The following KCTD21 variants were observed in gnomAD, a reference collection of about 807,000 sequenced individuals.
The protein encoded by KCTD21 is potassium channel tetramerization domain containing 21, also known as BTB/POZ domain-containing protein KCTD21.
KCTD21 carries 9 observed loss-of-function variants against 13.2 expected under a neutral mutation model. That is an observed-to-expected ratio of 0.68 (90% CI 0.41 to 1.19). The LOEUF is 1.19. Ranked by LOEUF, KCTD21 falls within the 50% of genes most tolerant of loss-of-function variation. The pLI, the probability that KCTD21 is intolerant of heterozygous loss-of-function variation, is 0.01. For synonymous variants in KCTD21, 142 were observed against 137.4 expected, an observed-to-expected ratio of 1.03 and a Z score of -0.23; for missense variants, 303 against 336.5, an observed-to-expected ratio of 0.90 and a Z score of 0.78.
rs1293937673 is a variant in KCTD21, at chr11:78,173,673, G to A, written c.*99C>T. On this transcript the variant is annotated 3_prime_UTR_variant, in exon 2 of 2. Transcript: ENST00000340067. ...CCTGCTACACAATTAATACAGATTAGTATAGTCCCCTGCCTCGCACCACTG... is the reference window on the plus strand; with the variant it reads ...CCTGCTACACAATTAATACAGATTAATATAGTCCCCTGCCTCGCACCACTG... 3 of 951,622 alleles carry A rather than the reference G, an allele frequency of 3.2e-6. No homozygotes were observed. The African/African-American group carries it at 4.9e-5, about 16-fold the overall frequency. 58.9% of individuals were successfully genotyped at this position (951,622 alleles called of 1,614,324 possible).
Position 78,174,294 on chromosome 11 carries a change from G to A in KCTD21, c.261C>T (p.Tyr87=), listed in dbSNP as rs1440344420. 1.2e-6 allele frequency: 2 copies of A among 1,614,054 alleles called. No homozygotes were observed. Among genetic ancestry groups the A allele is most frequent in the East Asian group, 4.5e-5 (2 of 44,880 alleles). ...MGLLRREADF[Y]QVQPLIEALQ... is the part of the protein sequence containing the mutation. ...GGGCCTCAATCAGGGGCTGCACCTGGTAGAAGTCGGCCTCCCTGCGGAGCA... is the reference window on the plus strand; with the variant it reads ...GGGCCTCAATCAGGGGCTGCACCTGATAGAAGTCGGCCTCCCTGCGGAGCA... The change falls in exon 2 of 2, where the codon TAC becomes TAT. Residue 87 remains tyrosine, a synonymous_variant. Transcript: ENST00000340067.
intron 1 of KCTD21, among the ~76,000 whole-genome samples, chr11:78,180,323 T>C (rs895179745): frequency 3.9e-5 from 6 of 152,280 alleles, no homozygotes; most frequent in Admixed American, 2.6e-4. Flanking sequence ...TTAACCAGAA[T>C]ATATAAAGAA....
In KCTD21 at chr11:78,173,879, C is replaced by T; in HGVS notation, c.676G>A (p.Glu226Lys). ...QINSFQVFVEEVLKIALSDGF... is the reference protein window; with the variant it reads ...QINSFQVFVEKVLKIALSDGF... ...TCGCTCAGAGCGATTTTCAGTACCT[C>T]TTCCACGAAGACCTGGAAGCTGTTG... The change falls in exon 2 of 2, where the codon GAG becomes AAG. Residue 226 changes from glutamate (E) to lysine (K), a missense_variant. Glu to Lys is a moderately conservative substitution (Grantham distance 56, BLOSUM62 1). Coordinates refer to ENST00000340067, the MANE Select transcript of KCTD21 (RefSeq NM_001029859.3). The T allele has an allele frequency of 6.2e-7, 1 of 1,614,206 alleles. No individual in the cohort carries two copies. Among genetic ancestry groups the T allele is most frequent in the African/African-American group, 1.3e-5 (1 of 75,046 alleles).
At position 78,174,500 on chromosome 11, in the gene KCTD21, C is replaced by T. The variant is rs1437704249; in HGVS notation, c.55G>A (p.Ala19Thr). ...VGGKLYTTSL[A>T]TLTSFPDSML... ...GAGTCAGGGAAGCTGGTCAGGGTCGCCAGTGAGGTTGTATAGAGCTTCCCC... is the reference window on the plus strand; with the variant it reads ...GAGTCAGGGAAGCTGGTCAGGGTCGTCAGTGAGGTTGTATAGAGCTTCCCC... Residue 19 changes from alanine to threonine, a missense_variant, in exon 2 of 2, where the codon GCG becomes ACG. Physicochemically the swap from Ala to Thr is moderately conservative, Grantham distance 58. Coordinates refer to ENST00000340067, the MANE Select transcript of KCTD21 (RefSeq NM_001029859.3). The T allele has an allele frequency of 1.2e-6, 2 of 1,614,008 alleles. No individual in the cohort carries two copies. Among genetic ancestry groups the T allele is most frequent in the Admixed American group, 1.7e-5 (1 of 59,998 alleles).
rs758746610 is a variant in KCTD21 at position 78,174,394 on chromosome 11, T to C, written c.161A>G (p.Lys54Arg). ...QGNCFIDRDGKVFRYILNFLR... is the reference protein window; with the variant it reads ...QGNCFIDRDGRVFRYILNFLR... Reference sequence around the variant, plus strand: ...GAAGTTGAGGATATAGCGGAACACTTTGCCGTCACGGTCAATGAAGCAGTT... The same window carrying C: ...GAAGTTGAGGATATAGCGGAACACTCTGCCGTCACGGTCAATGAAGCAGTT... Residue 54 changes from lysine to arginine, a missense_variant, in exon 2 of 2, where the codon AAA becomes AGA. Transcript: ENST00000340067. The C allele has an allele frequency of 1.9e-6, 3 of 1,613,992 alleles. No individual in the cohort carries two copies. Among genetic ancestry groups the C allele is most frequent in the Non-Finnish European group, 2.5e-6 (3 of 1,179,994 alleles).
chr11:78,186,930 T>C (rs1347521868), intron 1 of KCTD21: 6 of 985,316 alleles, frequency 6.1e-6, no homozygotes, highest in South Asian at 9.4e-5. Flanking sequence ...CAGAAGCACG[T>C]AGAATAGGGG....
chr11:78,180,710 C>T (rs1157248109), intron 1 of KCTD21, among the ~76,000 whole-genome samples: 1 of 152,146 alleles, frequency 6.6e-6, no homozygotes, highest in East Asian at 1.9e-4. Flanking sequence ...GTACATAGAA[C>T]AATGGAAACC....
chr11:78,184,181 T>C (rs1291993550), intron 1 of KCTD21, among the ~76,000 whole-genome samples: 2 of 152,220 alleles, frequency 1.3e-5, no homozygotes, highest in African/African-American at 4.8e-5. Flanking sequence ...ATGACCTTAA[T>C]AATCAAATTT....
intron 1 of KCTD21, chr11:78,177,895 G>A (rs748933035): frequency 3.3e-5 from 5 of 152,252 alleles, no homozygotes; most frequent in Non-Finnish European, 4.4e-5. Context: ...CCCCTGGGTA[G>A]GTGCCCAAAC....
chr11:78,180,563 T>C (rs1012083487), intron 1 of KCTD21, among the ~76,000 whole-genome samples: 8 of 152,194 alleles, frequency 5.3e-5, no homozygotes, highest in African/African-American at 1.9e-4. Flanking sequence ...AAAGAAGATA[T>C]GCAGATGACT....
chr11:78,183,936 G>A (rs1278949472), intron 1 of KCTD21, among the ~76,000 whole-genome samples: 1 of 152,080 alleles, frequency 6.6e-6, no homozygotes, highest in East Asian at 1.9e-4. Flanking sequence ...CACCCGGCCA[G>A]GAAAAATTAA....
intron 1 of KCTD21, among the ~76,000 whole-genome samples, chr11:78,180,240 ACT>A (rs1249949277): frequency 6.6e-6 from 1 of 152,256 alleles, no homozygotes; most frequent in Non-Finnish European, 1.5e-5. Flanking sequence ...TTCAAAAGAC[ACT>A]GTTAAGAAAA....
chr11:78,182,792 C>T (rs1467069628), intron 1 of KCTD21, among the ~76,000 whole-genome samples: 3 of 152,164 alleles, frequency 2.0e-5, no homozygotes, highest in Admixed American at 2.0e-4. Context: ...GGAAGCTGAA[C>T]CCAGCCACAG....
At position 78,172,174 on chromosome 11, in the gene KCTD21, G is replaced by A. The variant is rs1238525412; in HGVS notation, c.*1598C>T. The A allele has an allele frequency of 6.6e-6, 1 of 152,306 alleles. No individual in the cohort carries two copies. Among genetic ancestry groups the A allele is most frequent in the African/African-American group, 2.4e-5 (1 of 41,468 alleles). The allele number at this position is 152,306 out of a possible 1,614,324, so 9.4% of individuals were successfully genotyped here. On this transcript the variant is annotated 3_prime_UTR_variant, in exon 2 of 2. Coordinates refer to ENST00000340067, the MANE Select transcript of KCTD21 (RefSeq NM_001029859.3). Reference sequence around the variant, plus strand: ...GATGAATCATGACGTGCAGTTTGGAGGCCTGCATGGCTCATCACCCGGTGG... The same window carrying A: ...GATGAATCATGACGTGCAGTTTGGAAGCCTGCATGGCTCATCACCCGGTGG...
At chr11:78,185,362 G>A (rs1315304417) in intron 1 of KCTD21, among the ~76,000 whole-genome samples, 1 of 152,274 alleles carries the variant, frequency 6.6e-6, no homozygotes, top group South Asian at 2.1e-4. Context: ...AGGGCCAATA[G>A]ATGTAAAGTT....
intron 1 of KCTD21, chr11:78,177,013 A>T (rs1862471240): frequency 6.6e-6 from 1 of 152,410 alleles, no homozygotes; most frequent in African/African-American, 2.4e-5. Context: ...ATCCGGTCTC[A>T]AAAAACAAAC....
Position 78,171,746 on chromosome 11 carries a change from T to C in KCTD21, c.*2026A>G, listed in dbSNP as rs931834626. Reference sequence around the variant, plus strand: ...TCAGCCTCCCAAATAGCTGGGGTTATAGGCGCCTGTCACCACACCCAGCTA... The same window carrying C: ...TCAGCCTCCCAAATAGCTGGGGTTACAGGCGCCTGTCACCACACCCAGCTA... On this transcript the variant is annotated 3_prime_UTR_variant, in exon 2 of 2. Transcript: ENST00000340067. The C allele has an allele frequency of 6.6e-6, 1 of 152,206 alleles. No homozygotes were observed. Among genetic ancestry groups the C allele is most frequent in the Non-Finnish European group, 1.5e-5 (1 of 68,066 alleles). The allele number at this position is 152,206 out of a possible 1,614,324, so 9.4% of individuals were successfully genotyped here.
At chr11:78,174,728 T>C in intron 1 of KCTD21, 145 bp from the exon 2 acceptor site, 1 of 595,418 alleles carries the variant, frequency 1.7e-6, no homozygotes. Flanking sequence ...TTGCTAACAC[T>C]GTGCAAAGTA....
intron 1 of KCTD21, chr11:78,176,826 T>TCAA (rs1304369356): frequency 3.1e-5 from 3 of 98,164 alleles, no homozygotes; most frequent in African/African-American, 6.8e-5. Flanking sequence ...AAATCCTGTC[T>TCAA]CTACAACAAC....
Sources: allele counts gnomAD v4.1 joint callset (sites outside exome capture counted in the v4.1 genomes callset), GRCh38; gene constraint gnomAD v4.1.1; transcripts MANE v1.5; gene names NCBI Gene and HGNC (gene_info 2026-07-23, HGNC 2026-07-21).